Variants in TNXB observed in about 807,000 individuals in gnomAD.
TNXB encodes tenascin XB, also known as tenascin-X.
In TNXB, 183 loss-of-function variants were observed where a neutral mutation model predicts 340.5. The ratio of observed to expected loss-of-function variants is 0.54; its 90% CI spans 0.48 to 0.61. The LOEUF is 0.61. Among genes scored for constraint, TNXB ranks in the 20% least tolerant of loss-of-function variants. TNXB has a pLI of 0.00. For missense variants in TNXB, 4,613 were observed against 5,446.4 expected (o/e 0.85, Z 4.82); for synonymous variants, 2,121 against 2,314.5 (o/e 0.92, Z 2.40).
chr6:32,065,822 T>C (rs1425832774), intron 18 of TNXB, among the ~76,000 whole-genome samples: 1 of 151,882 alleles, frequency 6.6e-6, no homozygotes, highest in Non-Finnish European at 1.5e-5. Context: ...ATTATTATTA[T>C]TATTTTTAGT....
chr6:32,052,668 A>G lies in TNXB; in HGVS notation c.9115+2T>C, dbSNP rs771093522. 5 of 1,611,538 alleles carry G rather than the reference A, an allele frequency of 3.1e-6. No individual in the cohort carries two copies. The highest frequency in any genetic ancestry group is 2.2e-5 in the South Asian group (2 of 91,044). ...CACCTCGCCTCACTCACACTTACTC[A>G]CCTGTCACACCCACAGCGGACACTG... is the stretch of plus-strand genomic sequence containing the variant. On this transcript the variant is annotated splice_donor_variant, in intron 26 of 43. Coordinates refer to ENST00000644971, the MANE Select transcript of TNXB (RefSeq NM_001365276.2). LOFTEE classifies it high-confidence loss of function. This position sits in a 1 kb window ranked among gnomAD's most constrained non-coding sequence, Gnocchi z 4.7.
chr6:32,081,549 G>C lies in TNXB; in HGVS notation c.3861C>G (p.Pro1287=). ...LRLSWTVAQG[P]FDSFMVQYKD... ...TGTACTGGACCATGAATGAGTCGAA[G>C]GGGCCCTGGGCCACTGTCCATGAGA... The change falls in exon 10 of 44, where the codon CCC becomes CCG. Residue 1287 remains proline (P), a synonymous_variant. Coordinates refer to ENST00000644971, the MANE Select transcript of TNXB (RefSeq NM_001365276.2). The surrounding 1 kb of genome is among the most constrained non-coding windows in gnomAD (Gnocchi z 5.1). 1 of 1,604,808 alleles carries C rather than the reference G, an allele frequency of 6.2e-7. No homozygotes were observed. Among genetic ancestry groups the C allele is most frequent in the East Asian group, 2.2e-5 (1 of 44,670 alleles).
chr6:32,056,904 C>T lies in TNXB; in HGVS notation c.7826-1G>A, dbSNP rs200357005. 3 of 1,610,900 alleles carry T rather than the reference C, an allele frequency of 1.9e-6. No homozygotes were observed. Among genetic ancestry groups the T allele is most frequent in the Non-Finnish European group, 2.5e-6 (3 of 1,178,228 alleles). On this transcript the variant is annotated splice_acceptor_variant, in intron 22 of 43. Coordinates refer to ENST00000644971, the MANE Select transcript of TNXB (RefSeq NM_001365276.2). LOFTEE classifies it high-confidence loss of function. ...GCTTGGGTGGTCTCGGCTTCATCCT[C>T]TGGAGTTGGACAGACACGTGTGGGG...
Position 32,097,980 on chromosome 6 carries a change from G to A in TNXB, c.219C>T (p.Phe73=). Residue 73 remains phenylalanine, a synonymous_variant, in exon 2 of 44, where the codon TTC becomes TTT. Coordinates refer to ENST00000644971, the MANE Select transcript of TNXB (RefSeq NM_001365276.2). The surrounding 1 kb of genome is among the most constrained non-coding windows in gnomAD (Gnocchi z 5.9). ...TVEGGEKQVV[F]THRINLPPST... ...AAGGGGGCAGGTTAATGCGGTGGGT[G>A]AATACCACCTGCTTCTCCCCTCCTT... The A allele has an allele frequency of 6.2e-7, 1 of 1,607,178 alleles. No homozygotes were observed. The highest frequency in any genetic ancestry group is 1.1e-5 in the South Asian group (1 of 89,526).
intron 4 of TNXB, among the ~76,000 whole-genome samples, chr6:32,091,454 C>G (rs528227599): frequency 2.0e-4 from 30 of 150,950 alleles, no homozygotes; most frequent in South Asian, 1.3e-3. Flanking sequence ...GGCTCTGCCC[C>G]TTGGTAAAGC....
At position 32,053,618 on chromosome 6, in the gene TNXB, T is replaced by C; in HGVS notation, c.8561A>G (p.Asp2854Gly). Residue 2854 changes from aspartate to glycine, a missense_variant, in exon 25 of 44, where the codon GAT (aspartate) becomes GGT (glycine). By Grantham distance (94) the Asp-to-Gly change is moderately conservative. Coordinates refer to ENST00000644971, the MANE Select transcript of TNXB (RefSeq NM_001365276.2). ...CAGGCTGAGGGAGTCAGGGGTGGCA[T>C]CTGTCACGGTCAGCTCCCCGAGGCG... The part of the protein sequence containing the change: ...KPRLGELTVT[D>G]ATPDSLSLSW... The C allele has an allele frequency of 6.2e-7, 1 of 1,613,484 alleles. No individual in the cohort carries two copies. The highest frequency in any genetic ancestry group is 8.5e-7 in the Non-Finnish European group (1 of 1,179,790).
At position 32,096,703 on chromosome 6, in the gene TNXB, C is replaced by G. The variant is rs1780407173; in HGVS notation, c.1150G>C (p.Glu384Gln). 15 of 1,551,060 alleles carry G rather than the reference C, an allele frequency of 9.7e-6. No homozygotes were observed. Among genetic ancestry groups the G allele is most frequent in the Non-Finnish European group, 1.3e-5 (15 of 1,150,948 alleles). Residue 384 changes from glutamate to glutamine, a missense_variant, in exon 3 of 44, where the codon GAG (glutamate) becomes CAG (glutamine). Physicochemically the swap from Glu to Gln is conservative, Grantham distance 29 (BLOSUM62 2). Around this residue, in one of 7 missense-constraint regions of TNXB, gnomAD observed 4,327 missense variants for 4,859.4 expected, o/e 0.89. Coordinates refer to ENST00000644971, the MANE Select transcript of TNXB (RefSeq NM_001365276.2). ...GTGTCGCAAATGCATTCGCCGTCCT[C>G]GCAGCGCCCGCGGCCCCGGCAGTCC... ...PRDCRGRGRC[E>Q]DGECICDTGY...
intron 6 of TNXB, 123 bp downstream of exon 6, chr6:32,088,662 G>C (rs907315900): frequency 1.4e-6 from 2 of 1,401,192 alleles, no homozygotes; most frequent in South Asian, 1.5e-5. Flanking sequence ...CAGGTGCCTC[G>C]AGACTGCCAC....
intron 1 of TNXB, among the ~76,000 whole-genome samples, chr6:32,106,136 G>C (rs1269853): frequency 0.037 from 5,506 of 150,190 alleles, 111 homozygotes; most frequent in African/African-American, 0.058. Context: ...GGGCATGGGG[G>C]GGGGGGCTTC....
intron 4 of TNXB, chr6:32,093,540 C>T: frequency 3.6e-6 from 2 of 562,478 alleles, no homozygotes; most frequent in Non-Finnish European, 6.4e-6. Flanking sequence ...CTAGTGCCTT[C>T]CGAGGCTTTA....
intron 1 of TNXB, among the ~76,000 whole-genome samples, chr6:32,106,251 G>C (rs1471088413): frequency 1.3e-5 from 2 of 151,992 alleles, no homozygotes; most frequent in Non-Finnish European, 2.9e-5. Context: ...ACAGAGACAA[G>C]AGGTGGGAGG....
At chr6:32,048,143 G>T in intron 29 of TNXB, 131 bp from the exon 30 acceptor site, 2 of 1,241,218 alleles carry the variant, frequency 1.6e-6, no homozygotes, top group Non-Finnish European at 2.2e-6. Flanking sequence ...AGGAATAAAA[G>T]AGGAGCCAGA....
rs1045658382 is a variant in TNXB at position 32,089,439 on chromosome 6, C to A, written c.2359-60G>T. 1.3e-6 allele frequency: 2 copies of A among 1,539,156 alleles called. No individual in the cohort carries two copies. Among genetic ancestry groups the A allele is most frequent in the East Asian group, 4.8e-5 (2 of 41,942 alleles). ...GCACTCTTGCCTCTGCTGCTCAATC[C>A]CCCTTATCTCTTCTTTCTCCAATTC... On this transcript the variant is annotated intron_variant, in intron 4 of 43. Transcript: ENST00000644971. The surrounding 1 kb of genome is among the most constrained non-coding windows in gnomAD (Gnocchi z 6.2).
rs762574116 is a variant in TNXB at position 32,096,287 on chromosome 6, G to A, written c.1566C>T (p.Asp522=). 1.1e-5 allele frequency: 17 copies of A among 1,555,086 alleles called. No homozygotes were observed. ...CCCCGGGACAGCGACGGCTCCCACA[G>A]TCCTCACCGGTGAAGCCCGGGTTGC... is the stretch of plus-strand genomic sequence containing the variant. ...CVCNPGFTGE[D]CGSRRCPGDC... Residue 522 remains aspartate (D), a synonymous_variant, in exon 3 of 44, where the codon GAC becomes GAT. Transcript: ENST00000644971.
intron 18 of TNXB, among the ~76,000 whole-genome samples, chr6:32,065,892 C>T (rs957727758): frequency 2.0e-5 from 3 of 152,088 alleles, no homozygotes; most frequent in Admixed American, 6.6e-5. Flanking sequence ...TCAAGTGATC[C>T]ACCTGCCTTG....
intron 11 of TNXB, chr6:32,078,720 A>C: frequency 2.6e-6 from 1 of 380,130 alleles, no homozygotes; most frequent in Non-Finnish European, 4.8e-6. Context: ...CACAGCAGAC[A>C]CTGGCAGCAT....
intron 6 of TNXB, among the ~76,000 whole-genome samples, chr6:32,086,434 C>G (rs997222621): frequency 3.3e-5 from 5 of 152,198 alleles, no homozygotes; most frequent in African/African-American, 9.7e-5. Context: ...ATACATCCCC[C>G]CCACTGGGTG....
At position 32,051,420 on chromosome 6, in the gene TNXB, A is replaced by G. The variant is rs930221964; in HGVS notation, c.9116-1099T>C. Among the ~76,000 whole-genome samples the G allele has an allele frequency of 3.3e-5, 5 of 152,202 alleles. No homozygotes were observed. The highest frequency in any genetic ancestry group is 1.2e-4 in the African/African-American group (5 of 41,448). On this transcript the variant is annotated intron_variant, in intron 26 of 43. Coordinates refer to ENST00000644971, the MANE Select transcript of TNXB (RefSeq NM_001365276.2). The surrounding 1 kb of genome is among the most constrained non-coding windows in gnomAD (Gnocchi z 4.7). Reference sequence around the variant, plus strand: ...AAAATTCGCTTCAACAAATTCTAAGAGAGTTTCCAAATCTGTTACTGGGAG... The same window carrying G: ...AAAATTCGCTTCAACAAATTCTAAGGGAGTTTCCAAATCTGTTACTGGGAG...
chr6:32,049,247 C>T lies in TNXB; in HGVS notation c.9757+23G>A, dbSNP rs181922785. On this transcript the variant is annotated intron_variant, in intron 28 of 43. Coordinates refer to ENST00000644971, the MANE Select transcript of TNXB (RefSeq NM_001365276.2). This position sits in a 1 kb window ranked among gnomAD's most constrained non-coding sequence, Gnocchi z 4.5. Reference sequence around the variant, plus strand: ...GGGGCTGCAGAGGTAAACCTGGGGACGAGGGCCTGTCCCCCCACTCACCCG... The same window carrying T: ...GGGGCTGCAGAGGTAAACCTGGGGATGAGGGCCTGTCCCCCCACTCACCCG... 3.1e-5 allele frequency: 49 copies of T among 1,598,998 alleles called. No individual in the cohort carries two copies. Among genetic ancestry groups the T allele is most frequent in the South Asian group, 3.0e-4 (27 of 90,264 alleles).
Sources: allele counts gnomAD v4.1 joint callset (sites outside exome capture counted in the v4.1 genomes callset), GRCh38; gene constraint gnomAD v4.1.1; regional missense constraint gnomAD v4.1.1; non-coding constraint Gnocchi (gnomAD v3.1); transcripts MANE v1.5; gene names NCBI Gene and HGNC (gene_info 2026-07-23, HGNC 2026-07-21).